Variants in BDP1 observed in about 807,000 individuals in gnomAD.
BDP1 encodes BDP1 general transcription factor IIIB subunit.
In BDP1, 169 loss-of-function variants were observed where a neutral mutation model predicts 266.6. The ratio of observed to expected loss-of-function variants is 0.63; its 90% CI spans 0.56 to 0.72. The LOEUF (loss-of-function observed/expected upper bound fraction) is 0.72, where lower values mean the gene tolerates loss of function less well. Among genes scored for constraint, BDP1 ranks in the 30% least tolerant of loss-of-function variants. BDP1 has a pLI of 0.00. For missense variants in BDP1, 3,015 were observed against 3,053.8 expected, an observed-to-expected ratio of 0.99 and a Z score of 0.30; for synonymous variants, 1,090 against 1,022.4, an observed-to-expected ratio of 1.07 and a Z score of -1.26.
At chr5:71,522,141 A>G in intron 22 of BDP1, 148 bp from the exon 23 acceptor site, 1 of 619,496 alleles carries the variant, frequency 1.6e-6, no homozygotes, top group South Asian at 2.4e-5. Context: ...GTGTGGTTTC[A>G]TTTTACATGC....
Position 71,458,832 on chromosome 5 carries a change from AAAG to A in BDP1, c.472_474del (p.Glu158del), listed in dbSNP as rs1395190882. 5.6e-6 allele frequency: 9 copies of A among 1,611,564 alleles called. No individual in the cohort carries two copies. The highest frequency in any genetic ancestry group is 1.3e-5 in the African/African-American group (1 of 74,656). ...AGCCCAGAAACTGAGGGAAATGTTA[AAAG>A]AAGAATTGAGAAAAGAGAAGGTAAG... On this transcript the variant is annotated inframe_deletion, in exon 2 of 39. Coordinates refer to ENST00000358731, the MANE Select transcript of BDP1 (RefSeq NM_018429.3).
chr5:71,526,688 T>G (rs933731756), intron 25 of BDP1, among the ~76,000 whole-genome samples: 1 of 148,004 alleles, frequency 6.8e-6, no homozygotes, highest in Admixed American at 6.7e-5. Flanking sequence ...TCTCTCTGTT[T>G]TTTTTTTTTT....
intron 2 of BDP1, 23 bp from the exon 3 acceptor site, chr5:71,461,794 G>T (rs1761581220): frequency 7.8e-7 from 1 of 1,279,286 alleles, no homozygotes; most frequent in Non-Finnish European, 1.1e-6. Context: ...TATAAAAGTG[G>T]ATCTGTGTGT....
At chr5:71,561,213 C>G (rs1316176546) in intron 37 of BDP1, among the ~76,000 whole-genome samples, 1 of 152,010 alleles carries the variant, frequency 6.6e-6, no homozygotes, top group East Asian at 1.9e-4. Flanking sequence ...ACCAGCCTAA[C>G]CAACATGGAG....
intron 2 of BDP1, among the ~76,000 whole-genome samples, chr5:71,460,758 G>C (rs1761502959): frequency 6.6e-6 from 1 of 152,158 alleles, no homozygotes; most frequent in South Asian, 2.1e-4. Flanking sequence ...TTAAAAAAAA[G>C]TTCTGTATTT....
rs1478205388 is a variant in BDP1, at chr5:71,544,402, A to G, written c.6458A>G (p.Asn2153Ser). The change falls in exon 31 of 39, where the codon AAC becomes AGC. Residue 2153 changes from asparagine (N) to serine (S), a missense_variant. This residue lies in a region of BDP1 where 629 missense variants were observed against 632.5 expected (regional missense o/e 0.99). Coordinates refer to ENST00000358731, the MANE Select transcript of BDP1 (RefSeq NM_018429.3). The stretch of plus-strand genomic sequence containing the variant: ...AAAGCAACAGAATTGGAAAATAAAA[A>G]CCTCGGACCAGTTACAACAGCAGAG... ...ASKATELENK[N>S]LGPVTTAENK... The G allele has an allele frequency of 6.2e-7, 1 of 1,613,182 alleles. No individual in the cohort carries two copies. The highest frequency in any genetic ancestry group is 8.5e-7 in the Non-Finnish European group (1 of 1,179,796).
In BDP1 at chr5:71,532,158, G is replaced by T. The variant is rs577659404; in HGVS notation, c.5773-150G>T. ...GCCAAGTTGCTGTCAGTCAATAAAAGAATTACTCCATTCCATTTTTTAAGT... is the reference window on the plus strand; with the variant it reads ...GCCAAGTTGCTGTCAGTCAATAAAATAATTACTCCATTCCATTTTTTAAGT... On this transcript the variant is annotated intron_variant, in intron 25 of 38. Coordinates refer to ENST00000358731, the MANE Select transcript of BDP1 (RefSeq NM_018429.3). The T allele has an allele frequency of 9.6e-4, 605 of 627,858 alleles. 4 individuals are homozygous for T. The highest frequency in any genetic ancestry group is 2.3e-4 in the Non-Finnish European group (92 of 399,320). The allele number at this position is 627,858 out of a possible 1,614,324, so 38.9% of individuals were successfully genotyped here. A position where few individuals can be genotyped will look rare whatever the true frequency, so the allele number is the denominator to read the frequency against.
At chr5:71,536,556 G>T (rs1488744808) in intron 26 of BDP1, among the ~76,000 whole-genome samples, 1 of 152,152 alleles carries the variant, frequency 6.6e-6, no homozygotes, top group Non-Finnish European at 1.5e-5. Context: ...AACAACATGG[G>T]CCCAGGCGCG....
At chr5:71,517,929 G>A (rs1004303435) in intron 22 of BDP1, among the ~76,000 whole-genome samples, 3 of 151,978 alleles carry the variant, frequency 2.0e-5, no homozygotes, top group Non-Finnish European at 4.4e-5. Context: ...AAAAAGAAAA[G>A]AAGTTTATAA....
chr5:71,514,910 C>A (rs1474896213), intron 19 of BDP1, 34 bp from the exon 20 acceptor site: 5 of 1,458,256 alleles, frequency 3.4e-6, no homozygotes, highest in Non-Finnish European at 3.7e-6. Flanking sequence ...ATACTTTTAG[C>A]AACTGTGAAT....
At chr5:71,521,519 C>A (rs1350285372) in intron 22 of BDP1, among the ~76,000 whole-genome samples, 1 of 151,822 alleles carries the variant, frequency 6.6e-6, no homozygotes, top group Non-Finnish European at 1.5e-5. Context: ...CTCAAACTCC[C>A]GACCTCAGGT....
chr5:71,523,604 G>T (rs1292977757), intron 24 of BDP1, among the ~76,000 whole-genome samples: 1 of 152,152 alleles, frequency 6.6e-6, no homozygotes, highest in Admixed American at 6.5e-5. Context: ...GTGAGCTACT[G>T]CGCCCAGCCG....
rs1033274133 is a variant in BDP1 at position 71,556,639 on chromosome 5, C to T, written c.7201-247C>T. Among the ~76,000 whole-genome samples the T allele has an allele frequency of 2.3e-4, 35 of 152,152 alleles. 1 individual carries two copies. The highest frequency in any genetic ancestry group is 7.9e-4 in the African/African-American group (33 of 41,538). ...TTTTGATGTGCTGCTTGTACTATTTCTTTGATACTTTTGCACTGATATTGA... is the reference window on the plus strand; with the variant it reads ...TTTTGATGTGCTGCTTGTACTATTTTTTTGATACTTTTGCACTGATATTGA... On this transcript the variant is annotated intron_variant, in intron 35 of 38. Coordinates refer to ENST00000358731, the MANE Select transcript of BDP1 (RefSeq NM_018429.3).
chr5:71,548,822 C>T (rs917385242), intron 33 of BDP1, 77 bp downstream of exon 33: 1 of 1,051,268 alleles, frequency 9.5e-7, no homozygotes, highest in Non-Finnish European at 1.4e-6. Flanking sequence ...TATGGAAAAA[C>T]ATAAAACAGT....
chr5:71,521,066 T>C (rs1168844420), intron 22 of BDP1, among the ~76,000 whole-genome samples: 1 of 151,102 alleles, frequency 6.6e-6, no homozygotes, highest in Non-Finnish European at 1.5e-5. Flanking sequence ...CGCATGCCTG[T>C]AATCCCAGCT....
intron 35 of BDP1, among the ~76,000 whole-genome samples, chr5:71,555,462 G>A (rs1329577985): frequency 3.2e-5 from 4 of 125,348 alleles, no homozygotes; most frequent in Admixed American, 9.6e-5. Context: ...TTTTTGAGAT[G>A]GAGTTTCTCT....
chr5:71,498,911 A>G (rs1364425781), intron 13 of BDP1, among the ~76,000 whole-genome samples: 1 of 151,632 alleles, frequency 6.6e-6, no homozygotes, highest in Non-Finnish European at 1.5e-5. Flanking sequence ...TTCAGTTGAG[A>G]CGAGGTTTTG....
At chr5:71,512,920 G>A (rs1765009052) in intron 18 of BDP1, among the ~76,000 whole-genome samples, 1 of 151,776 alleles carries the variant, frequency 6.6e-6, no homozygotes, top group African/African-American at 2.4e-5. Flanking sequence ...AAACTAGCTG[G>A]GTGTGGTGGC....
Position 71,525,414 on chromosome 5 carries a change from G to A in BDP1, c.5772+1091G>A, listed in dbSNP as rs868172166. On this transcript the variant is annotated intron_variant, in intron 25 of 38. Coordinates refer to ENST00000358731, the MANE Select transcript of BDP1 (RefSeq NM_018429.3). The stretch of plus-strand genomic sequence containing the variant: ...GGGCTGACCCCCCCACCTCCCTCCC[G>A]GACGGGGCGGCTGGCCGGGCGGGGG... 1.9e-3 allele frequency among the ~76,000 whole-genome samples: 248 copies of A among 133,136 alleles called. 1 individual carries two copies. Among genetic ancestry groups the A allele is most frequent in the African/African-American group, 6.5e-3 (234 of 36,048 alleles). 87.3% of individuals were successfully genotyped at this position (133,136 alleles called of 152,430 possible). A position where few individuals can be genotyped will look rare whatever the true frequency, so the allele number is the denominator to read the frequency against.
Sources: gnomAD v4.1 joint callset for allele counts (sites outside exome capture counted in the v4.1 genomes callset) on GRCh38, gnomAD v4.1.1 for gene constraint, gnomAD v4.1.1 regional missense constraint, MANE v1.5 for transcripts, NCBI Gene and HGNC (gene_info 2026-07-23, HGNC 2026-07-21) for gene names.